The following MAP3K1 variants were observed in gnomAD, a reference collection of about 807,000 sequenced individuals.
The protein encoded by MAP3K1 is MAP/ERK kinase kinase 1.
MAP3K1 carries 36 observed loss-of-function variants against 144.2 expected under a neutral mutation model. The observed-to-expected ratio is 0.25, with a 90% CI of 0.19 to 0.33. The LOEUF is 0.33. Ranked by LOEUF, MAP3K1 falls within the 10% of genes least tolerant of loss-of-function variation. The pLI is 1.00. For missense variants in MAP3K1, 1,650 were observed against 1,881.9 expected, an observed-to-expected ratio of 0.88 and a Z score of 2.28; for synonymous variants, 718 against 688.7, an observed-to-expected ratio of 1.04 and a Z score of -0.67.
chr5:56,827,461 C>T (rs1746353426), intron 1 of MAP3K1, among the ~76,000 whole-genome samples: 1 of 152,192 alleles, frequency 6.6e-6, no homozygotes. Flanking sequence ...CAGAGGTTCA[C>T]AGATTGGGAA....
Position 56,815,558 on chromosome 5 carries a change from T to C in MAP3K1, c.-16T>C, listed in dbSNP as rs1054069021. ...CTCCCTCGCAGGGGCCGAGCGAATGTAGCCCGCGAGAGAAAATGGCGGCGG... is the reference window on the plus strand; with the variant it reads ...CTCCCTCGCAGGGGCCGAGCGAATGCAGCCCGCGAGAGAAAATGGCGGCGG... On this transcript the variant is annotated 5_prime_UTR_variant, in exon 1 of 20. It removes the in-frame stop codon of an upstream open reading frame in the 5' UTR. Coordinates refer to ENST00000399503, the MANE Select transcript of MAP3K1 (RefSeq NM_005921.2). The C allele has an allele frequency of 2.3e-6, 3 of 1,293,892 alleles. No homozygotes were observed. Among genetic ancestry groups the C allele is most frequent in the African/African-American group, 3.1e-5 (2 of 64,474 alleles). The allele number at this position is 1,293,892 out of a possible 1,614,324, so 80.2% of individuals were successfully genotyped here. A position where few individuals can be genotyped will look rare whatever the true frequency, so the allele number is the denominator to read the frequency against.
intron 1 of MAP3K1, among the ~76,000 whole-genome samples, chr5:56,819,330 G>A (rs1746081577): frequency 6.6e-6 from 1 of 152,156 alleles, no homozygotes; most frequent in Admixed American, 6.5e-5. Flanking sequence ...AACTTCCATA[G>A]CACCTCGAGC....
chr5:56,844,181 T>TG (rs1325634952), intron 1 of MAP3K1, among the ~76,000 whole-genome samples: 3 of 133,916 alleles, frequency 2.2e-5, no homozygotes, highest in African/African-American at 8.2e-5. Context: ...TTGTTTTTTT[T>TG]GGTTTTTTTT....
At chr5:56,875,351 G>T (rs781330525) in intron 10 of MAP3K1, 41 bp downstream of exon 10, 3 of 1,605,624 alleles carry the variant, frequency 1.9e-6, no homozygotes, top group Non-Finnish European at 2.6e-6. Context: ...TATGGGTTTG[G>T]GGTTTTTTGA....
At chr5:56,867,708 T>C (rs1183135681) in intron 6 of MAP3K1, among the ~76,000 whole-genome samples, 1 of 152,208 alleles carries the variant, frequency 6.6e-6, no homozygotes. Flanking sequence ...AAAAGGAATA[T>C]GGCTTTTAAA....
chr5:56,836,715 G>C (rs1399425310), intron 1 of MAP3K1, among the ~76,000 whole-genome samples: 1 of 152,220 alleles, frequency 6.6e-6, no homozygotes, highest in African/African-American at 2.4e-5. Context: ...GAGAACAGCT[G>C]CTTCAGCCTA....
intron 19 of MAP3K1, among the ~76,000 whole-genome samples, chr5:56,892,305 G>T (rs1748573250): frequency 6.6e-6 from 1 of 152,130 alleles, no homozygotes; most frequent in Non-Finnish European, 1.5e-5. Flanking sequence ...GTGAATGGGA[G>T]TTCACTCATG....
intron 15 of MAP3K1, 34 bp from the exon 16 acceptor site, chr5:56,884,630 T>C: frequency 1.9e-6 from 3 of 1,609,866 alleles, no homozygotes; most frequent in East Asian, 4.5e-5. Context: ...AGTGAAAATA[T>C]GCAAAACTTT....
chr5:56,860,385 A>C (rs114731855), intron 3 of MAP3K1, among the ~76,000 whole-genome samples: 2,184 of 152,332 alleles, frequency 0.014, 19 homozygotes, highest in Non-Finnish European at 0.024. Flanking sequence ...TACATACCAA[A>C]ATCCAGTAGT....
intron 2 of MAP3K1, 69 bp from the exon 3 acceptor site, chr5:56,859,646 C>T (rs1747443023): frequency 1.8e-6 from 2 of 1,140,160 alleles, no homozygotes; most frequent in Admixed American, 1.9e-5. Context: ...ATTTCCTAGT[C>T]TATGATATTT....
Position 56,830,239 on chromosome 5 carries a change from GAATTTAA to G in MAP3K1, c.482+14195_482+14201del, listed in dbSNP as rs1746445443. Among the ~76,000 whole-genome samples the G allele has an allele frequency of 2.6e-5, 4 of 152,082 alleles. No homozygotes were observed. In the South Asian group the frequency reaches 8.3e-4, roughly 32 times the overall value. On this transcript the variant is annotated intron_variant, in intron 1 of 19. Coordinates refer to ENST00000399503, the MANE Select transcript of MAP3K1 (RefSeq NM_005921.2). ...CACAGATTTTGCAGATTATAATTGT[GAATTTAA>G]AATTTAAAATGTCATATATTTTAAT...
intron 14 of MAP3K1, 120 bp downstream of exon 14, chr5:56,882,986 C>G: frequency 2.6e-6 from 2 of 763,270 alleles, no homozygotes; most frequent in South Asian, 1.7e-5. Context: ...CACAGGAGTT[C>G]GAAACTAGCC....
At chr5:56,866,262 A>G (rs907409713) in intron 6 of MAP3K1, among the ~76,000 whole-genome samples, 2 of 152,062 alleles carry the variant, frequency 1.3e-5, no homozygotes, top group African/African-American at 4.8e-5. Flanking sequence ...AAGTAAAATA[A>G]TTAGCTGGGA....
intron 1 of MAP3K1, among the ~76,000 whole-genome samples, chr5:56,843,660 G>T (rs1258388383): frequency 6.6e-6 from 1 of 152,168 alleles, no homozygotes; most frequent in South Asian, 2.1e-4. Context: ...CTAGTGGTTG[G>T]ATTGGGCCAG....
intron 1 of MAP3K1, among the ~76,000 whole-genome samples, chr5:56,843,792 G>A (rs1394782476): frequency 6.6e-6 from 1 of 152,124 alleles, no homozygotes; most frequent in African/African-American, 2.4e-5. Context: ...AGCCTTAATT[G>A]CACTACAGAC....
rs1221383006 is a variant in MAP3K1 at position 56,872,949 on chromosome 5, T to A, written c.1630T>A (p.Tyr544Asn). The change falls in exon 9 of 20, where the codon TAT becomes AAT. Residue 544 changes from tyrosine to asparagine, a missense_variant. Tyr to Asn is a moderately radical substitution (Grantham distance 143). This residue lies in a region of MAP3K1 where 841 missense variants were observed against 886.5 expected (regional missense o/e 0.95). Transcript: ENST00000399503. ...NQESNFNLTH[Y>N]GTQQIPPAYK... Reference sequence around the variant, plus strand: ...AGAGAGCAATTTTAACCTTACTCATTATGGAACTCAGCAAATCCCTCCTGC... The same window carrying A: ...AGAGAGCAATTTTAACCTTACTCATAATGGAACTCAGCAAATCCCTCCTGC... 6.2e-7 allele frequency: 1 copy of A among 1,614,114 alleles called. No individual in the cohort carries two copies. The highest frequency in any genetic ancestry group is 2.2e-5 in the East Asian group (1 of 44,870).
rs1554037262 is a variant in MAP3K1, at chr5:56,895,361, A to ATTTTG, written c.*1686_*1690dup. 8 of 156,946 alleles carry ATTTTG rather than the reference A, an allele frequency of 5.1e-5. No individual in the cohort carries two copies. In the South Asian group the frequency reaches 2.5e-3, roughly 49 times the overall value. 9.7% of individuals were successfully genotyped at this position (156,946 alleles called of 1,614,324 possible). Reference sequence around the variant, plus strand: ...TGTGTTGTACTTGACTTTCTTTTTTATTTTGTTTTTTTTTTTTTTTGACTA... The same window carrying ATTTTG: ...TGTGTTGTACTTGACTTTCTTTTTTATTTTGTTTTGTTTTTTTTTTTTTTTGACTA... On this transcript the variant is annotated 3_prime_UTR_variant, in exon 20 of 20. Transcript: ENST00000399503.
At chr5:56,837,703 T>C (rs1048281428) in intron 1 of MAP3K1, among the ~76,000 whole-genome samples, 2 of 152,210 alleles carry the variant, frequency 1.3e-5, no homozygotes, top group African/African-American at 2.4e-5. Flanking sequence ...TAAGTACATA[T>C]TTATTGACTA....
intron 1 of MAP3K1, among the ~76,000 whole-genome samples, chr5:56,834,082 C>A (rs1259172370): frequency 6.6e-6 from 1 of 152,150 alleles, no homozygotes; most frequent in African/African-American, 2.4e-5. Flanking sequence ...TCCTTCAAGG[C>A]AAGATAAATA....
Sources: allele counts gnomAD v4.1 joint callset (sites outside exome capture counted in the v4.1 genomes callset), GRCh38; gene constraint gnomAD v4.1.1; regional missense constraint gnomAD v4.1.1; transcripts MANE v1.5; gene names NCBI Gene and HGNC (gene_info 2026-07-23, HGNC 2026-07-21).